The following AFF1 variants were observed in gnomAD, a reference collection of about 807,000 sequenced individuals.
AFF1 encodes the protein ALF transcription elongation factor 1.
Under a neutral mutation model 121.7 loss-of-function variants are expected in AFF1, and 48 were observed. The observed-to-expected ratio is 0.39, with a 90% CI of 0.31 to 0.50. AFF1 has a LOEUF of 0.50. AFF1 is among the 20% of genes least tolerant of loss of function. AFF1 has a pLI of 0.76. For missense variants in AFF1, 1,523 were observed against 1,511.7 expected, an observed-to-expected ratio of 1.01 and a Z score of -0.12; for synonymous variants, 613 against 563.0, an observed-to-expected ratio of 1.09 and a Z score of -1.26.
chr4:86,995,373 A>AC (rs1725062071), intron 2 of AFF1, among the ~76,000 whole-genome samples: 1 of 142,592 alleles, frequency 7.0e-6, no homozygotes, highest in Non-Finnish European at 1.5e-5. Flanking sequence ...CCGAAGCTGG[A>AC]CGGTACTGCT....
At chr4:87,088,751 T>C (rs755453733) in intron 5 of AFF1, among the ~76,000 whole-genome samples, 1 of 149,518 alleles carries the variant, frequency 6.7e-6, no homozygotes, top group Non-Finnish European at 1.5e-5. Flanking sequence ...TGTACCACCA[T>C]GCCCGGCTCA....
intron 2 of AFF1, among the ~76,000 whole-genome samples, chr4:86,960,273 G>T (rs1259202767): frequency 6.6e-6 from 1 of 152,148 alleles, no homozygotes; most frequent in Non-Finnish European, 1.5e-5. Flanking sequence ...CTGGAAAAAT[G>T]CTGTGCCTAG....
Position 86,936,926 on chromosome 4 carries a change from T to G in AFF1, c.-37+1686T>G, listed in dbSNP as rs922741735. Among the ~76,000 whole-genome samples the G allele has an allele frequency of 2.0e-5, 3 of 152,196 alleles. 1 individual carries two copies. The highest frequency in any genetic ancestry group is 2.0e-4 in the Admixed American group (3 of 15,276). ...TAAAACTAGAGAAACTCACTGGAATTAAGCCATTTTTATGGAGAGAAAGAA... is the reference window on the plus strand; with the variant it reads ...TAAAACTAGAGAAACTCACTGGAATGAAGCCATTTTTATGGAGAGAAAGAA... On this transcript the variant is annotated intron_variant, in intron 1 of 20. Transcript: ENST00000395146.
chr4:86,990,367 A>C (rs1199318750), intron 2 of AFF1, among the ~76,000 whole-genome samples: 2 of 151,796 alleles, frequency 1.3e-5, no homozygotes, highest in South Asian at 2.1e-4. Flanking sequence ...GAGACAGAGC[A>C]AGATGCCTTC....
intron 2 of AFF1, among the ~76,000 whole-genome samples, chr4:86,955,533 T>G (rs1445241090): frequency 6.6e-6 from 1 of 152,218 alleles, no homozygotes; most frequent in Non-Finnish European, 1.5e-5. Context: ...AAACTAAAAT[T>G]AATTTTTACA....
Position 87,084,124 on chromosome 4 carries a change from CCTA to C in AFF1, c.1067_1069del (p.Tyr356del). 10 of 1,613,872 alleles carry C rather than the reference CCTA, an allele frequency of 6.2e-6. No homozygotes were observed. The highest frequency in any genetic ancestry group is 7.6e-6 in the Non-Finnish European group (9 of 1,179,818). On this transcript the variant is annotated inframe_deletion, in exon 5 of 21. Coordinates refer to ENST00000395146, the MANE Select transcript of AFF1 (RefSeq NM_001166693.3). ...TTTTTTGCTTTTCACTTTCAGCAGA[CCTA>C]CTCCAATGAAGTCCATTGTGTTGAA... is the stretch of plus-strand genomic sequence containing the variant.
chr4:87,047,546 T>C lies in AFF1; in HGVS notation c.1011T>C (p.Pro337=). ...TTGAAAAAACAGACTTGAAAGTGCC[T>C]GCCAAAGCCAAGCTCACCAAACTGA... ...QTFEKTDLKV[P]AKAKLTKLKM... Residue 337 remains proline (P), a synonymous_variant, in exon 4 of 21, where the codon CCT becomes CCC. Transcript: ENST00000395146. 6.2e-7 allele frequency: 1 copy of C among 1,614,182 alleles called. No homozygotes were observed. Among genetic ancestry groups the C allele is most frequent in the South Asian group, 1.1e-5 (1 of 91,084 alleles).
intron 5 of AFF1, among the ~76,000 whole-genome samples, chr4:87,089,384 A>G (rs1362797424): frequency 5.3e-5 from 8 of 152,214 alleles, no homozygotes; most frequent in Admixed American, 6.5e-5. Flanking sequence ...GAAAATTGTA[A>G]AAATTAAGCT....
intron 2 of AFF1, among the ~76,000 whole-genome samples, chr4:86,958,092 T>TTC (rs1721880717): frequency 1.4e-4 from 4 of 28,698 alleles, no homozygotes; most frequent in African/African-American, 2.5e-4. Flanking sequence ...TTTTTTTTCC[T>TTC]TTTTTTTTTT....
At chr4:86,995,989 CGCCCGGCAGCCGCCCCG>C in intron 2 of AFF1, among the ~76,000 whole-genome samples, 1 of 119,740 alleles carries the variant, frequency 8.4e-6, no homozygotes, top group Admixed American at 8.4e-5. Context: ...GGAGCCCCTC[CGCCCGGCAGCCGCCCCG>C]TCTGAGAAGT....
intron 12 of AFF1, 86 bp from the exon 13 acceptor site, chr4:87,124,951 C>A (rs763890187): frequency 8.5e-7 from 1 of 1,174,436 alleles, no homozygotes; most frequent in Non-Finnish European, 1.2e-6. Context: ...TTCCTTTACC[C>A]TCTTTGCCTT....
At chr4:87,105,443 C>T (rs1019568224) in intron 8 of AFF1, among the ~76,000 whole-genome samples, 185 bp from the exon 9 acceptor site, 1 of 152,060 alleles carries the variant, frequency 6.6e-6, no homozygotes, top group Non-Finnish European at 1.5e-5. Context: ...TAATTGTATT[C>T]GTACATTGTA....
rs67832418 is a variant in AFF1, at chr4:87,019,890, G to GA, written c.39-26276_39-26275insA. 5.1e-5 allele frequency among the ~76,000 whole-genome samples: 6 copies of GA among 117,686 alleles called. No individual in the cohort carries two copies. In the South Asian group the frequency reaches 2.1e-3, roughly 42 times the overall value. 77.2% of individuals were successfully genotyped at this position (117,686 alleles called of 152,430 possible). On this transcript the variant is annotated intron_variant, in intron 2 of 20. Coordinates refer to ENST00000395146, the MANE Select transcript of AFF1 (RefSeq NM_001166693.3). ...GACTGGTGTCTGAAGGGGTCGGGGG[G>GA]GGGCAGTCTTGGGGACTGAGCCCTC...
At chr4:86,948,618 A>G (rs775856504) in intron 2 of AFF1, 47 bp downstream of exon 2, 75 of 1,505,250 alleles carry the variant, frequency 5.0e-5, no homozygotes, top group Non-Finnish European at 5.5e-5. Flanking sequence ...ATTTAATTTT[A>G]TAATCTACTT....
chr4:87,096,431 T>C (rs1724876809), intron 8 of AFF1, among the ~76,000 whole-genome samples: 1 of 142,992 alleles, frequency 7.0e-6, no homozygotes, highest in African/African-American at 2.6e-5. Context: ...GGGGTCTCCC[T>C]TTGTTGCCCA....
intron 4 of AFF1, among the ~76,000 whole-genome samples, chr4:87,068,988 A>G (rs1057403760): frequency 2.6e-5 from 4 of 152,174 alleles, no homozygotes; most frequent in Admixed American, 6.5e-5. Flanking sequence ...CTGGAGGTTC[A>G]GGTGGGGAGG....
At chr4:87,080,415 T>TA (rs1158100798) in intron 4 of AFF1, among the ~76,000 whole-genome samples, 6 of 152,234 alleles carry the variant, frequency 3.9e-5, no homozygotes, top group African/African-American at 1.4e-4. Flanking sequence ...AGTTGTGGCT[T>TA]AGAGAGAGCT....
intron 2 of AFF1, among the ~76,000 whole-genome samples, chr4:87,008,697 A>G (rs1052445518): frequency 2.6e-5 from 4 of 151,716 alleles, no homozygotes; most frequent in Admixed American, 6.6e-5. Flanking sequence ...TAGAAACTAT[A>G]TGTCTTTTCA....
At chr4:87,112,295 A>G (rs1726616091) in intron 11 of AFF1, among the ~76,000 whole-genome samples, 1 of 152,180 alleles carries the variant, frequency 6.6e-6, no homozygotes, top group South Asian at 2.1e-4. Context: ...ATGTGACAAA[A>G]TGCCTGCCAC....
Sources: gnomAD v4.1 joint callset for allele counts (sites outside exome capture counted in the v4.1 genomes callset) on GRCh38, gnomAD v4.1.1 for gene constraint, MANE v1.5 for transcripts, NCBI Gene and HGNC (gene_info 2026-07-23, HGNC 2026-07-21) for gene names.